The following CFAP54 variants were observed in gnomAD, a reference collection of about 807,000 sequenced individuals.
CFAP54 encodes the protein cilia and flagella associated protein 54.
In CFAP54, 290 loss-of-function variants were observed where a neutral mutation model predicts 370.4. That is an observed-to-expected ratio of 0.78 (90% CI 0.71 to 0.86). The LOEUF (loss-of-function observed/expected upper bound fraction) is 0.86. Among genes scored for constraint, CFAP54 ranks in the 40% least tolerant of loss-of-function variants. The probability of loss-of-function intolerance (pLI) is 0.00; values close to 1 mark genes in which losing one functional copy is unlikely to be tolerated. For synonymous variants in CFAP54, 1,206 were observed against 1,236.5 expected (o/e 0.98, Z 0.52); for missense variants, 3,399 against 3,528.7 (o/e 0.96, Z 0.93).
At chr12:96,509,441 A>G (rs539993763) in intron 4 of CFAP54, among the ~76,000 whole-genome samples, 3 of 152,080 alleles carry the variant, frequency 2.0e-5, no homozygotes, top group Non-Finnish European at 4.4e-5. Context: ...TCAGTTAGAC[A>G]TTTACTCTAT....
At position 96,691,129 on chromosome 12, in the gene CFAP54, G is replaced by T; in HGVS notation, c.6083G>T (p.Gly2028Val). 1.2e-6 allele frequency: 2 copies of T among 1,610,614 alleles called. No individual in the cohort carries two copies. Among genetic ancestry groups the T allele is most frequent in the Non-Finnish European group, 1.7e-6 (2 of 1,178,910 alleles). ...TATTTCACTTTTTTTCATTTTCAGG[G>T]TTTGCTTAGAACAACACTTCCACAT... ...CCILSALLFQGLLRTTLPHPK... is the reference protein window; with the variant it reads ...CCILSALLFQVLLRTTLPHPK... The change falls in exon 44 of 68, where the codon GGT (glycine) becomes GTT (valine). Residue 2028 changes from glycine to valine, a missense_variant and splice_region_variant. Physicochemically the swap from Gly to Val is moderately radical, Grantham distance 109. Transcript: ENST00000524981.
At chr12:96,725,916 T>A (rs1957827478) in intron 50 of CFAP54, among the ~76,000 whole-genome samples, 1 of 150,560 alleles carries the variant, frequency 6.6e-6, no homozygotes, top group South Asian at 2.1e-4. Context: ...AGGCCTTTTC[T>A]GCATCTATTG....
chr12:96,565,660 T>C (rs141484686), intron 19 of CFAP54, among the ~76,000 whole-genome samples: 1 of 152,182 alleles, frequency 6.6e-6, no homozygotes, highest in African/African-American at 2.4e-5. Context: ...CCAAGGCCTA[T>C]AGAGGATGAT....
intron 17 of CFAP54, among the ~76,000 whole-genome samples, chr12:96,559,552 G>A (rs575589785): frequency 5.9e-5 from 9 of 151,916 alleles, no homozygotes; most frequent in South Asian, 2.1e-4. Flanking sequence ...ATTTTGCCAC[G>A]TTTACTGTCT....
chr12:96,755,463 C>T (rs1958243397), intron 56 of CFAP54, among the ~76,000 whole-genome samples: 1 of 152,054 alleles, frequency 6.6e-6, no homozygotes, highest in Non-Finnish European at 1.5e-5. Context: ...TGACCAATAT[C>T]TCCCTATTCC....
chr12:96,577,124 A>G (rs2136422284), intron 20 of CFAP54, among the ~76,000 whole-genome samples: 1 of 152,310 alleles, frequency 6.6e-6, no homozygotes, highest in Admixed American at 6.5e-5. Flanking sequence ...TGAAGAGGGT[A>G]GAAGTTACTT....
intron 63 of CFAP54, among the ~76,000 whole-genome samples, chr12:96,801,467 C>A (rs551424908): frequency 6.4e-4 from 98 of 152,174 alleles, no homozygotes; most frequent in Non-Finnish European, 1.2e-3. Context: ...AATGAACCTC[C>A]CAGACAATGG....
intron 60 of CFAP54, among the ~76,000 whole-genome samples, chr12:96,779,669 T>C (rs1269432545): frequency 6.7e-6 from 1 of 148,558 alleles, no homozygotes; most frequent in Non-Finnish European, 1.5e-5. Flanking sequence ...TATATTAACA[T>C]ATATATATTA....
At chr12:96,553,063 C>A (rs899059749) in intron 15 of CFAP54, among the ~76,000 whole-genome samples, 1 of 152,128 alleles carries the variant, frequency 6.6e-6, no homozygotes, top group Admixed American at 6.6e-5. Context: ...TTCACAGAGG[C>A]TTCTGAGCAA....
intron 50 of CFAP54, among the ~76,000 whole-genome samples, chr12:96,721,645 A>G (rs551109614): frequency 2.0e-4 from 30 of 152,326 alleles, no homozygotes; most frequent in African/African-American, 7.2e-4. Context: ...TAATGCATAC[A>G]TTTCTTATCA....
At chr12:96,843,578 C>T (rs1375996836) in intron 66 of CFAP54, among the ~76,000 whole-genome samples, 1 of 152,168 alleles carries the variant, frequency 6.6e-6, no homozygotes, top group African/African-American at 2.4e-5. Context: ...GTTTCTTTCT[C>T]ATGCAAAGTC....
At chr12:96,597,937 TAA>T (rs1477206273) in intron 25 of CFAP54, among the ~76,000 whole-genome samples, 1 of 151,936 alleles carries the variant, frequency 6.6e-6, no homozygotes, top group South Asian at 2.1e-4. Flanking sequence ...GGGAGGAATT[TAA>T]AAAGTCTTAG....
chr12:96,652,137 C>A (rs1250496322), intron 36 of CFAP54, among the ~76,000 whole-genome samples: 1 of 152,162 alleles, frequency 6.6e-6, no homozygotes, highest in East Asian at 1.9e-4. Flanking sequence ...AGGAAGATCA[C>A]ATAGCTTGAA....
chr12:96,790,404 C>T (rs1958678086), intron 62 of CFAP54, among the ~76,000 whole-genome samples: 1 of 151,488 alleles, frequency 6.6e-6, no homozygotes, highest in Admixed American at 6.6e-5. Flanking sequence ...GTAATGAATC[C>T]TCTTAGCAAC....
At chr12:96,505,071 T>C (rs1037060175) in intron 3 of CFAP54, among the ~76,000 whole-genome samples, 8 of 151,682 alleles carry the variant, frequency 5.3e-5, no homozygotes, top group African/African-American at 1.9e-4. Context: ...TTCCTTTCTT[T>C]TCTTCTTTTT....
chr12:96,694,925 G>A (rs1003616013), intron 45 of CFAP54, among the ~76,000 whole-genome samples: 4 of 152,110 alleles, frequency 2.6e-5, no homozygotes, highest in Admixed American at 2.0e-4. Flanking sequence ...GGAGGCTGAC[G>A]CAGGAGAATC....
chr12:96,825,467 ATT>A (rs1333456875), intron 65 of CFAP54, among the ~76,000 whole-genome samples: 2 of 117,004 alleles, frequency 1.7e-5, no homozygotes, highest in Non-Finnish European at 3.2e-5. Context: ...AATATAATAT[ATT>A]ATATATATTA....
At chr12:96,835,870 G>C (rs747460643) in intron 66 of CFAP54, among the ~76,000 whole-genome samples, 1 of 152,182 alleles carries the variant, frequency 6.6e-6, no homozygotes, top group Non-Finnish European at 1.5e-5. Context: ...GCTGCAGCTG[G>C]TGTGATGGCA....
At chr12:96,811,641 G>C (rs987936611) in intron 63 of CFAP54, 95 bp from the exon 64 acceptor site, 3 of 656,042 alleles carry the variant, frequency 4.6e-6, no homozygotes, top group African/African-American at 1.9e-5. Flanking sequence ...ACTTTTCAAA[G>C]TACAGTGATA....
Sources: gnomAD v4.1 joint callset for allele counts (sites outside exome capture counted in the v4.1 genomes callset) on GRCh38, gnomAD v4.1.1 for gene constraint, MANE v1.5 for transcripts, NCBI Gene and HGNC (gene_info 2026-07-23, HGNC 2026-07-21) for gene names.